NPAS3: variants seen among roughly 807,000 people sequenced by gnomAD.
The protein encoded by NPAS3 is neuronal PAS domain protein 3.
In NPAS3, 14 loss-of-function variants were observed where a neutral mutation model predicts 73.1. The ratio of observed to expected loss-of-function variants is 0.19; its 90% CI spans 0.13 to 0.30. NPAS3 has a LOEUF of 0.30. NPAS3 is among the 10% of genes least tolerant of loss of function. NPAS3 has a pLI of 1.00. For missense variants in NPAS3, 1,096 were observed against 1,250.0 expected, an observed-to-expected ratio of 0.88 and a Z score of 1.86; for synonymous variants, 620 against 541.5, an observed-to-expected ratio of 1.14 and a Z score of -2.01.
intron 4 of NPAS3, among the ~76,000 whole-genome samples, chr14:33,545,885 G>A (rs1007884256): frequency 6.6e-6 from 1 of 152,182 alleles, no homozygotes; most frequent in African/African-American, 2.4e-5. Context: ...CCTTGCTGAG[G>A]ATTTTTTCAA....
At chr14:33,231,339 G>A (rs558604089) in intron 3 of NPAS3, among the ~76,000 whole-genome samples, 24 of 152,044 alleles carry the variant, frequency 1.6e-4, no homozygotes, top group African/African-American at 3.1e-4. Flanking sequence ...TATTTTTAAC[G>A]TTTAATTTTT....
chr14:33,627,416 G>A (rs1187966359), intron 5 of NPAS3, among the ~76,000 whole-genome samples: 2 of 151,968 alleles, frequency 1.3e-5, no homozygotes, highest in Non-Finnish European at 2.9e-5. Flanking sequence ...TCTGTATCGG[G>A]ATGCACCTAA....
chr14:33,133,815 G>A (rs995721609), intron 2 of NPAS3, among the ~76,000 whole-genome samples: 1 of 152,114 alleles, frequency 6.6e-6, no homozygotes, highest in East Asian at 1.9e-4. Context: ...ATGATATAGT[G>A]TCCAAGGAAG....
intron 3 of NPAS3, among the ~76,000 whole-genome samples, chr14:33,235,757 G>A (rs1350863254): frequency 6.7e-6 from 1 of 148,234 alleles, no homozygotes; most frequent in Non-Finnish European, 1.5e-5. Context: ...TCTTTTGAGT[G>A]CAAGTACATC....
chr14:33,077,414 A>G (rs1223963843), intron 2 of NPAS3, among the ~76,000 whole-genome samples: 2 of 152,170 alleles, frequency 1.3e-5, no homozygotes, highest in African/African-American at 2.4e-5. Flanking sequence ...TCCTGTGTTT[A>G]AATTTTCTCT....
chr14:33,494,717 A>T (rs1414344211), intron 4 of NPAS3, among the ~76,000 whole-genome samples: 1 of 152,098 alleles, frequency 6.6e-6, no homozygotes, highest in East Asian at 1.9e-4. Context: ...TGTTTCCCTA[A>T]TTTGTTTTCT....
chr14:33,156,770 T>C (rs756911489), intron 2 of NPAS3, among the ~76,000 whole-genome samples: 1 of 152,206 alleles, frequency 6.6e-6, no homozygotes, highest in Non-Finnish European at 1.5e-5. Context: ...CTTTTAATTC[T>C]TCTCTTTTGC....
chr14:33,399,276 T>C (rs1453553458), intron 4 of NPAS3, among the ~76,000 whole-genome samples: 1 of 152,110 alleles, frequency 6.6e-6, no homozygotes, highest in Non-Finnish European at 1.5e-5. Flanking sequence ...AAGTGTATTG[T>C]TCATGGAGAG....
At chr14:33,731,821 A>G (rs2061410089) in intron 6 of NPAS3, among the ~76,000 whole-genome samples, 1 of 152,220 alleles carries the variant, frequency 6.6e-6, no homozygotes, top group Non-Finnish European at 1.5e-5. Context: ...GTTTATTAAA[A>G]AGTTGAGACC....
intron 4 of NPAS3, among the ~76,000 whole-genome samples, chr14:33,470,645 C>A (rs59007818): frequency 0.18 from 26,881 of 152,050 alleles, 2,673 homozygotes; most frequent in East Asian, 0.38. Context: ...TTCATTTAGG[C>A]TGATCACATC....
intron 3 of NPAS3, among the ~76,000 whole-genome samples, chr14:33,274,090 G>A (rs2041221882): frequency 6.6e-6 from 1 of 152,146 alleles, no homozygotes; most frequent in Non-Finnish European, 1.5e-5. Context: ...GAGGATTTAT[G>A]GACAGAAAAA....
chr14:33,465,339 G>A (rs1468163496), intron 4 of NPAS3, among the ~76,000 whole-genome samples: 2 of 152,130 alleles, frequency 1.3e-5, no homozygotes, highest in South Asian at 4.1e-4. Context: ...AGCTTAAGAC[G>A]TTAAATGCCT....
intron 6 of NPAS3, among the ~76,000 whole-genome samples, chr14:33,721,423 A>C (rs138836546): frequency 9.2e-5 from 14 of 152,300 alleles, no homozygotes; most frequent in African/African-American, 2.6e-4. Flanking sequence ...TTGGTCAATT[A>C]TATTAGATGT....
chr14:33,722,628 C>G (rs1456572180), intron 6 of NPAS3, among the ~76,000 whole-genome samples: 3 of 151,858 alleles, frequency 2.0e-5, no homozygotes, highest in African/African-American at 7.3e-5. Flanking sequence ...GAGCAGTGGT[C>G]ATTGAAACTT....
At chr14:33,338,185 G>C (rs922911274) in intron 3 of NPAS3, among the ~76,000 whole-genome samples, 5 of 152,070 alleles carry the variant, frequency 3.3e-5, no homozygotes, top group Admixed American at 2.0e-4. Flanking sequence ...AATCACACCT[G>C]TTGTGTGAGT....
At chr14:33,542,031 CT>C (rs2054545326) in intron 4 of NPAS3, among the ~76,000 whole-genome samples, 2 of 152,144 alleles carry the variant, frequency 1.3e-5, no homozygotes, top group Admixed American at 1.3e-4. Context: ...TCACCCTGAA[CT>C]ATGTTTGTCT....
At chr14:33,184,218 C>T (rs1055058047) in intron 2 of NPAS3, among the ~76,000 whole-genome samples, 1 of 152,110 alleles carries the variant, frequency 6.6e-6, no homozygotes, top group African/African-American at 2.4e-5. Context: ...AGGATGCAGA[C>T]TCCAGAGAAA....
chr14:33,186,914 A>G (rs12887688), intron 2 of NPAS3, among the ~76,000 whole-genome samples: 52,823 of 151,984 alleles, frequency 0.35, 10,196 homozygotes, highest in Non-Finnish European at 0.45. Flanking sequence ...TCTAGTGGGT[A>G]GAAGCCTGGC....
chr14:33,567,220 A>G (rs2056000263), intron 5 of NPAS3, among the ~76,000 whole-genome samples: 1 of 152,168 alleles, frequency 6.6e-6, no homozygotes, highest in Admixed American at 6.5e-5. Flanking sequence ...TGACACCCTC[A>G]GTTCACCATA....
Sources: allele counts gnomAD v4.1 joint callset (sites outside exome capture counted in the v4.1 genomes callset), GRCh38; gene constraint gnomAD v4.1.1; transcripts MANE v1.5; gene names NCBI Gene and HGNC (gene_info 2026-07-23, HGNC 2026-07-21).